ADGRB3: variants seen among roughly 807,000 people sequenced by gnomAD.
The protein encoded by ADGRB3 is brain-specific angiogenesis inhibitor 3.
In ADGRB3, 37 loss-of-function variants were observed where a neutral mutation model predicts 193.4. The ratio of observed to expected loss-of-function variants is 0.19; its 90% CI spans 0.15 to 0.25. The LOEUF (loss-of-function observed/expected upper bound fraction) is 0.25, where lower values mean the gene tolerates loss of function less well. Ranked by LOEUF, ADGRB3 falls within the 10% of genes least tolerant of loss-of-function variation. The pLI, the probability that ADGRB3 is intolerant of heterozygous loss-of-function variation, is 1.00. For missense variants in ADGRB3, 1,637 were observed against 1,852.9 expected, an observed-to-expected ratio of 0.88 and a Z score of 2.14; for synonymous variants, 690 against 644.2, an observed-to-expected ratio of 1.07 and a Z score of -1.08.
intron 17 of ADGRB3, among the ~76,000 whole-genome samples, chr6:69,100,243 A>G (rs1772994191): frequency 6.6e-6 from 1 of 152,138 alleles, no homozygotes; most frequent in Non-Finnish European, 1.5e-5. Flanking sequence ...TATATTTTAT[A>G]TATTCACGCT....
chr6:69,330,060 T>G (rs1273825951), intron 22 of ADGRB3, among the ~76,000 whole-genome samples: 1 of 152,112 alleles, frequency 6.6e-6, no homozygotes, highest in Non-Finnish European at 1.5e-5. Flanking sequence ...TCTCCCAATA[T>G]TTCAATGACC....
rs561097684 is a variant in ADGRB3 at position 68,891,213 on chromosome 6, C to A, written c.758-39346C>A. ...TATTACAAGAACAGCACGGGAAAGC[C>A]CAGTCTCCATGATTCAGTTATCTCT... On this transcript the variant is annotated intron_variant, in intron 3 of 31. Coordinates refer to ENST00000370598, the MANE Select transcript of ADGRB3 (RefSeq NM_001704.3). 4.2e-4 allele frequency among the ~76,000 whole-genome samples: 64 copies of A among 152,148 alleles called. 1 individual carries two copies. The South Asian group carries it at 0.013, about 31-fold the overall frequency.
chr6:69,345,758 A>C (rs1413668130), intron 26 of ADGRB3, among the ~76,000 whole-genome samples: 2 of 152,168 alleles, frequency 1.3e-5, no homozygotes, highest in Non-Finnish European at 2.9e-5. Flanking sequence ...TGGCCAGGGC[A>C]ATTGGGCAAG....
chr6:68,865,346 A>G (rs528341), intron 3 of ADGRB3, among the ~76,000 whole-genome samples: 132,808 of 152,006 alleles, frequency 0.87, 58,286 homozygotes, highest in Middle Eastern at 0.95. Context: ...GCACAAACTT[A>G]TCCAAGGCTG....
At chr6:69,337,256 G>A (rs574119995) in intron 24 of ADGRB3, among the ~76,000 whole-genome samples, 1 of 152,220 alleles carries the variant, frequency 6.6e-6, no homozygotes, top group Non-Finnish European at 1.5e-5. Flanking sequence ...ACACCATACA[G>A]CCTATCTTCT....
chr6:69,285,234 A>G (rs1383606013), intron 20 of ADGRB3, among the ~76,000 whole-genome samples: 1 of 152,230 alleles, frequency 6.6e-6, no homozygotes, highest in Non-Finnish European at 1.5e-5. Flanking sequence ...GAAAGAGAAC[A>G]GAAACTAGCC....
chr6:69,101,348 A>G (rs1582461349), intron 17 of ADGRB3, among the ~76,000 whole-genome samples: 3 of 151,970 alleles, frequency 2.0e-5, no homozygotes, highest in African/African-American at 7.3e-5. Context: ...AAACAGTTCT[A>G]TCTCTTTGTT....
intron 3 of ADGRB3, among the ~76,000 whole-genome samples, chr6:68,639,811 C>T (rs1358674668): frequency 6.6e-6 from 1 of 152,118 alleles, no homozygotes; most frequent in African/African-American, 2.4e-5. Flanking sequence ...AGACATCTCC[C>T]TTCTGTTCCA....
chr6:68,790,173 T>A (rs909022288), intron 3 of ADGRB3, among the ~76,000 whole-genome samples: 4 of 152,096 alleles, frequency 2.6e-5, no homozygotes, highest in Admixed American at 2.6e-4. Context: ...ATTTTCCTTA[T>A]CACCAGGGTA....
At chr6:69,256,710 A>G (rs371587114) in intron 20 of ADGRB3, among the ~76,000 whole-genome samples, 34 of 152,204 alleles carry the variant, frequency 2.2e-4, no homozygotes, top group African/African-American at 7.2e-4. Context: ...TCTCCTGCCT[A>G]ATTGCCCTGG....
At chr6:69,044,982 C>T (rs540068824) in intron 13 of ADGRB3, among the ~76,000 whole-genome samples, 11 of 152,246 alleles carry the variant, frequency 7.2e-5, no homozygotes, top group Non-Finnish European at 1.5e-4. Context: ...AGATTATGCA[C>T]TTATGCTTTT....
chr6:69,003,232 G>T (rs1769635603), intron 11 of ADGRB3, among the ~76,000 whole-genome samples: 1 of 152,172 alleles, frequency 6.6e-6, no homozygotes, highest in South Asian at 2.1e-4. Context: ...AGCACAGGTA[G>T]CTACTGCCAA....
At chr6:68,969,598 C>T (rs955983377) in intron 8 of ADGRB3, among the ~76,000 whole-genome samples, 2 of 152,132 alleles carry the variant, frequency 1.3e-5, no homozygotes, top group Non-Finnish European at 2.9e-5. Context: ...TTTGATGTGG[C>T]ATGAAAATTG....
chr6:69,332,369 T>C (rs1368781841), intron 23 of ADGRB3: 20 of 985,336 alleles, frequency 2.0e-5, no homozygotes, highest in East Asian at 1.1e-4. Flanking sequence ...GTGAATTGAA[T>C]AGGCTTTCCT....
intron 16 of ADGRB3, among the ~76,000 whole-genome samples, chr6:69,069,551 TACAA>T (rs1772011638): frequency 1.9e-3 from 2 of 1,028 alleles, no homozygotes; most frequent in African/African-American, 6.0e-3. Context: ...CTACTAAAAA[TACAA>T]AAAAAAAAAA....
chr6:68,733,530 AC>A (rs1765814538), intron 3 of ADGRB3, among the ~76,000 whole-genome samples: 1 of 151,808 alleles, frequency 6.6e-6, no homozygotes, highest in Non-Finnish European at 1.5e-5. Flanking sequence ...CCTTTTGAGT[AC>A]TATATTCATT....
chr6:69,177,423 C>A (rs1281098367), intron 17 of ADGRB3, among the ~76,000 whole-genome samples: 1 of 151,946 alleles, frequency 6.6e-6, no homozygotes, highest in Non-Finnish European at 1.5e-5. Context: ...GTGGCGCCGT[C>A]TCGGCTCACT....
chr6:69,377,908 C>T (rs1046584492), intron 30 of ADGRB3, among the ~76,000 whole-genome samples: 7 of 152,050 alleles, frequency 4.6e-5, no homozygotes, highest in Non-Finnish European at 1.5e-5. Context: ...AATGAGGAGG[C>T]AAAGCTCCTG....
rs142503992 is a variant in ADGRB3, at chr6:69,334,963, C to A, written c.3188+1955C>A. 4.1e-3 allele frequency among the ~76,000 whole-genome samples: 628 copies of A among 152,130 alleles called. 4 individuals are homozygous for A. Among genetic ancestry groups the A allele is most frequent in the African/African-American group, 0.014 (586 of 41,524 alleles). The stretch of plus-strand genomic sequence containing the variant: ...TTTAGAGTATCTAACATATAGCAAG[C>A]ATTCACTCAACAGTGGCTGCTCTTC... On this transcript the variant is annotated intron_variant, in intron 24 of 31. Transcript: ENST00000370598.
Sources: allele counts gnomAD v4.1 joint callset (sites outside exome capture counted in the v4.1 genomes callset), GRCh38; gene constraint gnomAD v4.1.1; transcripts MANE v1.5; gene names NCBI Gene and HGNC (gene_info 2026-07-23, HGNC 2026-07-21).